The following RADIL variants were observed in gnomAD, a reference collection of about 807,000 sequenced individuals.
RADIL encodes ras-associating and dilute domain-containing protein.
RADIL carries 99 observed loss-of-function variants against 97.6 expected under a neutral mutation model. That is an observed-to-expected ratio of 1.01 (90% CI 0.86 to 1.20). The LOEUF (loss-of-function observed/expected upper bound fraction) is 1.20, where lower values mean the gene tolerates loss of function less well. Among genes scored for constraint, RADIL ranks in the 50% most tolerant of loss-of-function variants. The pLI is 0.00. For missense variants in RADIL, 1,765 were observed against 1,498.9 expected (o/e 1.18, Z -2.93); for synonymous variants, 803 against 691.8 (o/e 1.16, Z -2.52).
chr7:4,874,130 G>A (rs893580837), intron 2 of RADIL, among the ~76,000 whole-genome samples: 3 of 152,252 alleles, frequency 2.0e-5, no homozygotes, highest in East Asian at 1.9e-4. Flanking sequence ...CACAGAGGCC[G>A]CCTCCAACCC....
chr7:4,857,281 C>G (rs901958473), intron 2 of RADIL, among the ~76,000 whole-genome samples: 15 of 152,128 alleles, frequency 9.9e-5, no homozygotes, highest in African/African-American at 3.4e-4. Context: ...TTGTTATTAT[C>G]CCAGCTTCTT....
chr7:4,878,897 C>T lies in RADIL; in HGVS notation c.-64-694G>A, dbSNP rs1784427163. ...CTCCGTAAACCTCGTGTCTCCTACC[C>T]CACAGGCTGCGACGTGGGAAATGGG... is the stretch of plus-strand genomic sequence containing the variant. On this transcript the variant is annotated intron_variant, in intron 1 of 14. Coordinates refer to ENST00000399583, the MANE Select transcript of RADIL (RefSeq NM_018059.5). The surrounding 1 kb of genome is among the most constrained non-coding windows in gnomAD (Gnocchi z 4.1). Among the ~76,000 whole-genome samples, 1 of 152,250 alleles carries T rather than the reference C, an allele frequency of 6.6e-6. No homozygotes were observed. The highest frequency in any genetic ancestry group is 6.5e-5 in the Admixed American group (1 of 15,288).
chr7:4,836,495 T>C lies in RADIL; in HGVS notation c.646A>G (p.Ser216Gly), dbSNP rs1783303714. Residue 216 changes from serine (S) to glycine (G), a missense_variant, in exon 3 of 15, where the codon AGT becomes GGT. Transcript: ENST00000399583. Reference protein sequence around the residue: ...SPPPRLRRTVSETSLSPVNAL... With the variant: ...SPPPRLRRTVGETSLSPVNAL... ...TTCACTGGGCTCAGGCTGGTCTCAC[T>C]GACTGTGCGGCGCAACCGGGGTGGA... 6.2e-7 allele frequency: 1 copy of C among 1,607,722 alleles called. No homozygotes were observed. Among genetic ancestry groups the C allele is most frequent in the African/African-American group, 1.3e-5 (1 of 74,830 alleles).
At position 4,867,479 on chromosome 7, in the gene RADIL, G is replaced by C. The variant is rs1362438676; in HGVS notation, c.535+10126C>G. On this transcript the variant is annotated intron_variant, in intron 2 of 14. Transcript: ENST00000399583. This position sits in a 1 kb window ranked among gnomAD's most constrained non-coding sequence, Gnocchi z 4.1. ...GAGCTGACTAGAGCACCATGGGTAG[G>C]TGTCAAAAACATAATGTGAGGCCAG... Among the ~76,000 whole-genome samples the C allele has an allele frequency of 6.6e-6, 1 of 152,154 alleles. No individual in the cohort carries two copies. The highest frequency in any genetic ancestry group is 2.4e-5 in the African/African-American group (1 of 41,438).
intron 7 of RADIL, among the ~76,000 whole-genome samples, 182 bp from the exon 8 acceptor site, chr7:4,816,647 C>A (rs957880644): frequency 5.3e-5 from 8 of 152,162 alleles, no homozygotes; most frequent in African/African-American, 1.9e-4. Context: ...GACACAGGAG[C>A]TGCCTCCTGG....
intron 9 of RADIL, chr7:4,809,315 G>A: frequency 1.0e-6 from 1 of 985,390 alleles, no homozygotes; most frequent in East Asian, 1.1e-4. Context: ...GCTCGGCCTA[G>A]TTTCCCTAGC....
chr7:4,807,683 TTCTCTCCA>T (rs1782367029), intron 9 of RADIL, among the ~76,000 whole-genome samples: 3 of 48,428 alleles, frequency 6.2e-5, no homozygotes, highest in African/African-American at 8.6e-5. Flanking sequence ...CTCCCTCTCC[TTCTCTCCA>T]TCTCTCTCCC....
At position 4,835,099 on chromosome 7, in the gene RADIL, G is replaced by A. The variant is rs1391619717; in HGVS notation, c.924C>T (p.Ser308=). ...CTIRRQPLPD[S]GQAAGRLVLE... ...GGACCAGCCTCCCCGCGGCCTGGCC[G>A]CTGTCCGGGAGCGGTTGCCGGCGGA... Residue 308 remains serine, a synonymous_variant, in exon 4 of 15, where the codon AGC becomes AGT. Coordinates refer to ENST00000399583, the MANE Select transcript of RADIL (RefSeq NM_018059.5). The surrounding 1 kb of genome is among the most constrained non-coding windows in gnomAD (Gnocchi z 5.8). 3 of 1,608,184 alleles carry A rather than the reference G, an allele frequency of 1.9e-6. No homozygotes were observed. The South Asian group carries it at 3.3e-5, about 18-fold the overall frequency.
At position 4,822,461 on chromosome 7, in the gene RADIL, G is replaced by A; in HGVS notation, c.1548C>T (p.Leu516=). Residue 516 remains leucine, a synonymous_variant, in exon 6 of 15, where the codon CTC becomes CTT. Transcript: ENST00000399583. The surrounding 1 kb of genome is among the most constrained non-coding windows in gnomAD (Gnocchi z 5.3). The part of the protein sequence containing the change: ...ILFWMSNSIE[L]LYFIQQKCPL... ...GGCATTTCTGCTGGATAAAGTACAG[G>A]AGCTCGATGGAGTTAGACATCCAGA... 1.2e-6 allele frequency: 2 copies of A among 1,613,070 alleles called. No individual in the cohort carries two copies. Among genetic ancestry groups the A allele is most frequent in the Non-Finnish European group, 1.7e-6 (2 of 1,179,994 alleles).
chr7:4,817,408 C>T lies in RADIL; in HGVS notation c.1616-57G>A. 1.4e-5 allele frequency: 20 copies of T among 1,475,486 alleles called. No homozygotes were observed. The South Asian group carries it at 2.3e-4, about 17-fold the overall frequency. 91.4% of individuals were successfully genotyped at this position (1,475,486 alleles called of 1,614,324 possible). Reference sequence around the variant, plus strand: ...ACGGGCACAGCGCTCAGGAACGCAGCAACTCAGCCAGCCGCCAGCTCTTTC... The same window carrying T: ...ACGGGCACAGCGCTCAGGAACGCAGTAACTCAGCCAGCCGCCAGCTCTTTC... On this transcript the variant is annotated intron_variant, in intron 6 of 14. Transcript: ENST00000399583. This position sits in a 1 kb window ranked among gnomAD's most constrained non-coding sequence, Gnocchi z 8.3.
At chr7:4,805,963 C>T (rs1295964504) in intron 9 of RADIL, 30 of 985,436 alleles carry the variant, frequency 3.0e-5, no homozygotes, top group Middle Eastern at 5.2e-4. Flanking sequence ...GGGAACCCAC[C>T]CCCGTCTCAA....
rs1463206136 is a variant in RADIL at position 4,849,853 on chromosome 7, G to T, written c.536-13248C>A. 1.3e-5 allele frequency among the ~76,000 whole-genome samples: 2 copies of T among 152,098 alleles called. No homozygotes were observed. Among genetic ancestry groups the T allele is most frequent in the Non-Finnish European group, 2.9e-5 (2 of 68,006 alleles). On this transcript the variant is annotated intron_variant, in intron 2 of 14. Coordinates refer to ENST00000399583, the MANE Select transcript of RADIL (RefSeq NM_018059.5). This position sits in a 1 kb window ranked among gnomAD's most constrained non-coding sequence, Gnocchi z 5.4. Reference sequence around the variant, plus strand: ...AATCTTTAGCTACAATACAGCTTAAGTACAAAAATAAAAATCCTAGGTAAT... The same window carrying T: ...AATCTTTAGCTACAATACAGCTTAATTACAAAAATAAAAATCCTAGGTAAT...
At chr7:4,811,431 C>T (rs1437849618) in intron 9 of RADIL, 2 of 147,238 alleles carry the variant, frequency 1.4e-5, no homozygotes, top group Non-Finnish European at 3.0e-5. Context: ...GGTAGGGTTT[C>T]CTCTTTTTCT....
chr7:4,808,096 T>TC (rs1782403315), intron 9 of RADIL, among the ~76,000 whole-genome samples: 1 of 88,316 alleles, frequency 1.1e-5, no homozygotes, highest in African/African-American at 5.6e-5. Context: ...TCCCTCCTCC[T>TC]TCTTCCTCTC....
In RADIL at chr7:4,822,585, G is replaced by A. The variant is rs762209439; in HGVS notation, c.1455-31C>T. On this transcript the variant is annotated intron_variant, in intron 5 of 14. Coordinates refer to ENST00000399583, the MANE Select transcript of RADIL (RefSeq NM_018059.5). The surrounding 1 kb of genome is among the most constrained non-coding windows in gnomAD (Gnocchi z 5.3). ...AAGACAGAAAGACTAAGAGTTACGC[G>A]GGGACCCGACCCTCAGGAGGCTGAA... The A allele has an allele frequency of 6.2e-6, 10 of 1,604,428 alleles. No individual in the cohort carries two copies. Among genetic ancestry groups the A allele is most frequent in the South Asian group, 2.2e-5 (2 of 89,572 alleles).
In RADIL at chr7:4,860,042, A is replaced by C. The variant is rs1211676952; in HGVS notation, c.535+17563T>G. 5.6e-6 allele frequency: 9 copies of C among 1,614,030 alleles called. 1 individual carries two copies. In the South Asian group the frequency reaches 9.9e-5, roughly 18 times the overall value. On this transcript the variant is annotated intron_variant, in intron 2 of 14. Transcript: ENST00000399583. ...GACAGCGTGAGGAATACTTTCGTTT[A>C]ATGCAACCCCTGAACTTTCATTGGT... is the stretch of plus-strand genomic sequence containing the variant.
At chr7:4,816,089 C>CT in intron 8 of RADIL, 139 bp downstream of exon 8, 1 of 775,844 alleles carries the variant, frequency 1.3e-6, no homozygotes. Flanking sequence ...CCTCTCACCC[C>CT]TCAGGGACAC....
intron 2 of RADIL, chr7:4,865,443 T>A: frequency 1.4e-6 from 1 of 723,168 alleles, no homozygotes; most frequent in Non-Finnish European, 2.5e-6. Flanking sequence ...ATCCTTGTCT[T>A]CCTCCTCTTC....
chr7:4,809,616 C>G, intron 9 of RADIL: 1 of 985,432 alleles, frequency 1.0e-6, no homozygotes, highest in Non-Finnish European at 1.2e-6. Flanking sequence ...AACTCGACTC[C>G]TTCAGCTCAA....
Sources: allele counts gnomAD v4.1 joint callset (sites outside exome capture counted in the v4.1 genomes callset), GRCh38; gene constraint gnomAD v4.1.1; non-coding constraint Gnocchi (gnomAD v3.1); transcripts MANE v1.5; gene names NCBI Gene and HGNC (gene_info 2026-07-23, HGNC 2026-07-21).